SPAST: variants seen among roughly 807,000 people sequenced by gnomAD.
The protein encoded by SPAST is spastic paraplegia 4 (autosomal dominant; spastin).
A neutral mutation model predicts 76.6 loss-of-function variants in SPAST; 30 were observed. That is an observed-to-expected ratio of 0.39 (90% CI 0.29 to 0.53). The LOEUF is 0.53. SPAST is among the 20% of genes least tolerant of loss of function. The probability of loss-of-function intolerance (pLI) is 0.68; values close to 1 mark genes in which losing one functional copy is unlikely to be tolerated. For synonymous variants in SPAST, 305 were observed against 281.0 expected (o/e 1.09, Z -0.86); for missense variants, 717 against 770.5 (o/e 0.93, Z 0.82).
intron 15 of SPAST, among the ~76,000 whole-genome samples, chr2:32,145,297 A>G (rs756286793): frequency 1.3e-5 from 2 of 152,128 alleles, no homozygotes; most frequent in Non-Finnish European, 2.9e-5. Flanking sequence ...GGGTTTCACC[A>G]TGTTGCCCAA....
intron 12 of SPAST, among the ~76,000 whole-genome samples, chr2:32,138,587 ATTGTT>A (rs1679617644): frequency 6.6e-6 from 1 of 152,126 alleles, no homozygotes; most frequent in African/African-American, 2.4e-5. Flanking sequence ...ATATCAGACC[ATTGTT>A]AGATGCAGTT....
rs869090344 is a variant in SPAST, at chr2:32,083,750, C to CTATATA, written c.416-3720_416-3715dup. 8.1e-4 allele frequency among the ~76,000 whole-genome samples: 51 copies of CTATATA among 62,846 alleles called. 1 individual carries two copies. Among genetic ancestry groups the CTATATA allele is most frequent in the South Asian group, 2.6e-3 (4 of 1,542 alleles). The allele number at this position is 62,846 out of a possible 152,430, so 41.2% of individuals were successfully genotyped here. On this transcript the variant is annotated intron_variant, in intron 1 of 16. Transcript: ENST00000315285. ...TATATACTATATATATTTATATATA[C>CTATATA]TATATATATATATATATATATATAT...
At chr2:32,101,856 C>A (rs1376731557) in intron 4 of SPAST, among the ~76,000 whole-genome samples, 4 of 152,098 alleles carry the variant, frequency 2.6e-5, no homozygotes, top group African/African-American at 7.2e-5. Context: ...GTATCAGTAC[C>A]ATGCTGTTTT....
intron 16 of SPAST, among the ~76,000 whole-genome samples, chr2:32,148,666 C>T (rs1043535800): frequency 3.9e-5 from 6 of 152,086 alleles, no homozygotes; most frequent in Admixed American, 1.3e-4. Flanking sequence ...AAAAAATTAC[C>T]GGGGCGTGGT....
rs111886394 is a variant in SPAST, at chr2:32,146,339, G to A, written c.1688-879G>A. 2.3e-3 allele frequency among the ~76,000 whole-genome samples: 340 copies of A among 149,854 alleles called. 3 individuals are homozygous for A. Among genetic ancestry groups the A allele is most frequent in the African/African-American group, 8.0e-3 (326 of 40,606 alleles). ...TTTGGGAGGCCAAGGTGGGAGGATC[G>A]TGTGGGCCTAATAGTTTGAGACTAG... is the stretch of plus-strand genomic sequence containing the variant. On this transcript the variant is annotated intron_variant, in intron 15 of 16. Coordinates refer to ENST00000315285, the MANE Select transcript of SPAST (RefSeq NM_014946.4).
chr2:32,141,090 G>C (rs1195592433), intron 12 of SPAST, among the ~76,000 whole-genome samples: 2 of 151,992 alleles, frequency 1.3e-5, no homozygotes, highest in African/African-American at 2.4e-5. Flanking sequence ...AGTAGTCCAT[G>C]TATACACTAA....
At chr2:32,064,873 C>A (rs1326328600) in intron 1 of SPAST, among the ~76,000 whole-genome samples, 1 of 152,136 alleles carries the variant, frequency 6.6e-6, no homozygotes, top group African/African-American at 2.4e-5. Flanking sequence ...AAACAGTATT[C>A]CAAAGTAGCC....
At chr2:32,132,617 T>C (rs1363618731) in intron 9 of SPAST, among the ~76,000 whole-genome samples, 3 of 152,090 alleles carry the variant, frequency 2.0e-5, no homozygotes, top group African/African-American at 7.2e-5. Context: ...TAGTTACTAT[T>C]TTAGTTGTCT....
intron 1 of SPAST, among the ~76,000 whole-genome samples, chr2:32,072,620 T>C (rs1428778754): frequency 6.6e-6 from 1 of 152,152 alleles, no homozygotes; most frequent in African/African-American, 2.4e-5. Flanking sequence ...TAGAGTTTTA[T>C]TTTTTGCTTA....
intron 9 of SPAST, 59 bp from the exon 10 acceptor site, chr2:32,136,504 T>A: frequency 4.8e-6 from 6 of 1,250,202 alleles, no homozygotes; most frequent in Non-Finnish European, 4.7e-6. Context: ...AACATAAAAT[T>A]TAAAAAACTG....
At chr2:32,087,321 A>G (rs1192640749) in intron 1 of SPAST, among the ~76,000 whole-genome samples, 171 bp from the exon 2 acceptor site, 1 of 152,180 alleles carries the variant, frequency 6.6e-6, no homozygotes, top group Non-Finnish European at 1.5e-5. Context: ...TATTCCCCAT[A>G]ATGGAGTTAC....
chr2:32,120,280 A>G (rs905946954), intron 7 of SPAST, among the ~76,000 whole-genome samples: 10 of 152,070 alleles, frequency 6.6e-5, no homozygotes, highest in African/African-American at 2.2e-4. Context: ...ATTAACTTGC[A>G]TATCATAGTA....
At position 32,156,627 on chromosome 2, in the gene SPAST, A is replaced by T. The variant is rs1680263019; in HGVS notation, c.*2131A>T. 7.4e-6 allele frequency: 1 copy of T among 135,820 alleles called. No individual in the cohort carries two copies. Among genetic ancestry groups the T allele is most frequent in the South Asian group, 2.5e-4 (1 of 3,932 alleles). 8.4% of individuals were successfully genotyped at this position (135,820 alleles called of 1,614,324 possible). A position where few individuals can be genotyped will look rare whatever the true frequency, so the allele number is the denominator to read the frequency against. On this transcript the variant is annotated 3_prime_UTR_variant, in exon 17 of 17. Coordinates refer to ENST00000315285, the MANE Select transcript of SPAST (RefSeq NM_014946.4). ...AGTTCTAAATTAAGACATTTCAGTTAAGCTCATAAAATTTCATTGTTTTCA... is the reference window on the plus strand; with the variant it reads ...AGTTCTAAATTAAGACATTTCAGTTTAGCTCATAAAATTTCATTGTTTTCA...
intron 9 of SPAST, among the ~76,000 whole-genome samples, chr2:32,132,846 C>T (rs1199269591): frequency 6.6e-6 from 1 of 152,056 alleles, no homozygotes; most frequent in Non-Finnish European, 1.5e-5. Context: ...CTACTAAATA[C>T]AAATCTCTAC....
chr2:32,095,658 G>C (rs1402775324), intron 3 of SPAST, among the ~76,000 whole-genome samples: 1 of 152,016 alleles, frequency 6.6e-6, no homozygotes, highest in Non-Finnish European at 1.5e-5. Context: ...AGGATTGCTT[G>C]AGCTCAGGAG....
chr2:32,064,221 C>T lies in SPAST; in HGVS notation c.390C>T (p.Ala130=). Residue 130 remains alanine (A), a synonymous_variant, in exon 1 of 17, where the codon GCC becomes GCT. Transcript: ENST00000315285. ...AGGCCTTCGAGTACATCTCCATTGC[C>T]CTGCGCATCGATGAGGATGAGAAAG... ...HKQAFEYISI[A]LRIDEDEKAG... 2 of 1,552,206 alleles carry T rather than the reference C, an allele frequency of 1.3e-6. No individual in the cohort carries two copies. The highest frequency in any genetic ancestry group is 2.4e-5 in the East Asian group (1 of 41,554).
In SPAST at chr2:32,063,927, C is replaced by G. The variant is rs200837566; in HGVS notation, c.96C>G (p.Ala32=). The change falls in exon 1 of 17, where the codon GCC becomes GCG. Residue 32 remains alanine, a synonymous_variant. Coordinates refer to ENST00000315285, the MANE Select transcript of SPAST (RefSeq NM_014946.4). The part of the protein sequence containing the change: ...PRPPPPCLAP[A]PPAAGPAPPP... ...CTCCGCCCCCTTGCCTGGCCCCCGC[C>G]CCTCCCGCCGCCGGGCCGGCCCCTC... 9.4e-6 allele frequency: 15 copies of G among 1,597,328 alleles called. No individual in the cohort carries two copies. Among genetic ancestry groups the G allele is most frequent in the Admixed American group, 1.7e-5 (1 of 57,874 alleles).
intron 1 of SPAST, among the ~76,000 whole-genome samples, chr2:32,068,070 C>T (rs1676595345): frequency 6.6e-6 from 1 of 151,118 alleles, no homozygotes; most frequent in South Asian, 2.1e-4. Context: ...GCTCCGCCTC[C>T]CGGGTTCACG....
intron 1 of SPAST, among the ~76,000 whole-genome samples, chr2:32,067,049 G>A (rs1676548952): frequency 1.3e-5 from 2 of 149,316 alleles, no homozygotes; most frequent in South Asian, 2.1e-4. Context: ...GTCAGAACAT[G>A]CAAGGAAATT....
Sources: gnomAD v4.1 joint callset for allele counts (sites outside exome capture counted in the v4.1 genomes callset) on GRCh38, gnomAD v4.1.1 for gene constraint, MANE v1.5 for transcripts, NCBI Gene and HGNC (gene_info 2026-07-23, HGNC 2026-07-21) for gene names.